SNX19: variants seen among roughly 807,000 people sequenced by gnomAD.
SNX19 encodes sorting nexin 19.
A neutral mutation model predicts 85.2 loss-of-function variants in SNX19; 60 were observed. That is an observed-to-expected ratio of 0.70 (90% CI 0.57 to 0.87). The LOEUF is 0.87. Among genes scored for constraint, SNX19 ranks in the 40% least tolerant of loss-of-function variants. The probability of loss-of-function intolerance (pLI) is 0.00; values close to 1 mark genes in which losing one functional copy is unlikely to be tolerated. For missense variants in SNX19, 1,201 were observed against 1,217.8 expected, an observed-to-expected ratio of 0.99 and a Z score of 0.21; for synonymous variants, 520 against 470.0, an observed-to-expected ratio of 1.11 and a Z score of -1.38.
chr11:130,891,284 G>C (rs1052693946), intron 8 of SNX19, among the ~76,000 whole-genome samples: 1 of 152,128 alleles, frequency 6.6e-6, no homozygotes, highest in African/African-American at 2.4e-5. Context: ...ATGTTGTAAC[G>C]GGTATGCTAG....
chr11:130,888,589 T>C (rs1312709462), intron 8 of SNX19, among the ~76,000 whole-genome samples: 2 of 152,178 alleles, frequency 1.3e-5, no homozygotes, highest in African/African-American at 4.8e-5. Flanking sequence ...GGGTTCCCCA[T>C]TGCCCTTCCC....
rs1009167013 is a variant in SNX19, at chr11:130,873,819, T to C, written c.*4603A>G. Among the ~76,000 whole-genome samples, 2 of 152,142 alleles carry C rather than the reference T, an allele frequency of 1.3e-5. No individual in the cohort carries two copies. Among genetic ancestry groups the C allele is most frequent in the Non-Finnish European group, 2.9e-5 (2 of 68,028 alleles). ...TGCTGAATGTTGGCAGAATGACCCA[T>C]CCCTAGAGCAGACATTGTCTATCAA... is the stretch of plus-strand genomic sequence containing the variant. On this transcript the variant is annotated 3_prime_UTR_variant, in exon 11 of 11. Coordinates refer to ENST00000265909, the MANE Select transcript of SNX19 (RefSeq NM_014758.3).
intron 8 of SNX19, among the ~76,000 whole-genome samples, chr11:130,882,537 A>G (rs1162067935): frequency 6.6e-6 from 1 of 152,220 alleles, no homozygotes; most frequent in Non-Finnish European, 1.5e-5. Context: ...AATGGCAGCC[A>G]TCGATGGAGA....
rs774443469 is a variant in SNX19 at position 130,915,860 on chromosome 11, C to A, written c.80G>T (p.Arg27Leu). Residue 27 changes from arginine to leucine, a missense_variant, in exon 1 of 11, where the codon CGG (arginine) becomes CTG (leucine). By Grantham distance (102) the Arg-to-Leu change is moderately radical (BLOSUM62 -2). This residue lies in a region of SNX19 where 791 missense variants were observed against 750.9 expected (regional missense o/e 1.05). Transcript: ENST00000265909. ...SCHLNNLLSS[R>L]KLMAVGVLLG... The stretch of plus-strand genomic sequence containing the variant: ...CAAGACCCCCACAGCCATCAGCTTC[C>A]GGCTACTCAACAGGTTATTGAGGTG... The A allele has an allele frequency of 5.0e-6, 8 of 1,614,226 alleles. No homozygotes were observed. The Admixed American group carries it at 5.0e-5, about 10-fold the overall frequency.
intron 8 of SNX19, among the ~76,000 whole-genome samples, chr11:130,896,240 T>G (rs7126906): frequency 0.64 from 96,603 of 151,964 alleles, 30,982 homozygotes; most frequent in South Asian, 0.8. Flanking sequence ...AGAGCTGAAC[T>G]GGAAGAAAAA....
chr11:130,910,402 C>T (rs1347278350), intron 2 of SNX19, 32 bp from the exon 3 acceptor site: 25 of 1,432,034 alleles, frequency 1.7e-5, no homozygotes, highest in Non-Finnish European at 2.2e-5. Context: ...AAAATATTCA[C>T]TCATTTAACA....
intron 8 of SNX19, among the ~76,000 whole-genome samples, chr11:130,897,392 A>G (rs1416831629): frequency 6.6e-6 from 1 of 151,722 alleles, no homozygotes; most frequent in Non-Finnish European, 1.5e-5. Context: ...ACACACAGAC[A>G]CACACACACA....
At chr11:130,889,397 C>G (rs968708279) in intron 8 of SNX19, among the ~76,000 whole-genome samples, 1 of 152,048 alleles carries the variant, frequency 6.6e-6, no homozygotes, top group African/African-American at 2.4e-5. Context: ...CCCGACCCCC[C>G]AGAAAAAGAC....
At position 130,873,390 on chromosome 11, in the gene SNX19, T is replaced by A. The variant is rs992978190; in HGVS notation, c.*5032A>T. 8.5e-5 allele frequency among the ~76,000 whole-genome samples: 13 copies of A among 152,196 alleles called. No homozygotes were observed. The highest frequency in any genetic ancestry group is 1.6e-4 in the Non-Finnish European group (11 of 68,032). ...AGAGAAAGTTTGCTGGCTCCTATACTAGACTGTAGACTCCTTAAAAGTGAG... is the reference window on the plus strand; with the variant it reads ...AGAGAAAGTTTGCTGGCTCCTATACAAGACTGTAGACTCCTTAAAAGTGAG... On this transcript the variant is annotated 3_prime_UTR_variant, in exon 11 of 11. Transcript: ENST00000265909.
rs142603765 is a variant in SNX19, at chr11:130,915,748, C to A, written c.192G>T (p.Trp64Cys). Residue 64 changes from tryptophan (W) to cysteine (C), a missense_variant, in exon 1 of 11, where the codon TGG becomes TGT. By Grantham distance (215) the Trp-to-Cys change is radical. This residue lies in a region of SNX19 where 791 missense variants were observed against 750.9 expected (regional missense o/e 1.05). Transcript: ENST00000265909. ...LSALLVVLGGWLGSSLAGVAS... is the reference protein window; with the variant it reads ...LSALLVVLGGCLGSSLAGVAS... ...CCACTCCAGCGAGGCTGGAGCCCAGCCATCCTCCCAGCACCACTAGCAATG... is the reference window on the plus strand; with the variant it reads ...CCACTCCAGCGAGGCTGGAGCCCAGACATCCTCCCAGCACCACTAGCAATG... 28 of 1,614,100 alleles carry A rather than the reference C, an allele frequency of 1.7e-5. No individual in the cohort carries two copies. The highest frequency in any genetic ancestry group is 2.2e-5 in the Non-Finnish European group (26 of 1,180,060).
At chr11:130,895,751 C>T (rs1213473888) in intron 8 of SNX19, among the ~76,000 whole-genome samples, 6 of 152,354 alleles carry the variant, frequency 3.9e-5, no homozygotes, top group Middle Eastern at 3.4e-3. Context: ...CTCAGGCACA[C>T]GGCTGTCAGC....
rs115311095 is a variant in SNX19, at chr11:130,870,896, T to C, written c.*7526A>G. 3.1e-3 allele frequency among the ~76,000 whole-genome samples: 466 copies of C among 152,278 alleles called. 4 individuals are homozygous for C. The highest frequency in any genetic ancestry group is 0.01 in the African/African-American group (434 of 41,532). Reference sequence around the variant, plus strand: ...TATGTTCGTTGCCCTTGAAGAATTATAGTCTCTTACTGAGGACTTCATATA... The same window carrying C: ...TATGTTCGTTGCCCTTGAAGAATTACAGTCTCTTACTGAGGACTTCATATA... On this transcript the variant is annotated 3_prime_UTR_variant, in exon 11 of 11. Coordinates refer to ENST00000265909, the MANE Select transcript of SNX19 (RefSeq NM_014758.3).
At chr11:130,886,260 T>C (rs1473141063) in intron 8 of SNX19, among the ~76,000 whole-genome samples, 1 of 152,206 alleles carries the variant, frequency 6.6e-6, no homozygotes, top group Non-Finnish European at 1.5e-5. Flanking sequence ...ATCTCATGTT[T>C]GGAGACACTT....
intron 2 of SNX19, chr11:130,911,325 G>A (rs963388498): frequency 1.9e-6 from 1 of 514,228 alleles, no homozygotes; most frequent in African/African-American, 2.0e-5. Flanking sequence ...ACCAATCTAT[G>A]AATCTGGAAA....
intron 1 of SNX19, among the ~76,000 whole-genome samples, chr11:130,913,226 T>C (rs1261646662): frequency 6.6e-6 from 1 of 152,094 alleles, no homozygotes; most frequent in East Asian, 1.9e-4. Context: ...AACACTTAAA[T>C]GTGAGAAAGG....
intron 8 of SNX19, among the ~76,000 whole-genome samples, chr11:130,888,099 CA>C (rs199735794): frequency 0.052 from 7,407 of 142,290 alleles, 227 homozygotes; most frequent in Non-Finnish European, 0.081. Context: ...AGGTACATTA[CA>C]AAAAAAAAAA....
rs550382674 is a variant in SNX19 at position 130,872,626 on chromosome 11, C to T, written c.*5796G>A. 2.8e-4 allele frequency among the ~76,000 whole-genome samples: 43 copies of T among 152,236 alleles called. No homozygotes were observed. Among genetic ancestry groups the T allele is most frequent in the African/African-American group, 7.9e-4 (33 of 41,552 alleles). ...AATATGCTAGCTGAAATTCACCCTT[C>T]GATGGTTTCATTTTCTTGTCTACAA... On this transcript the variant is annotated 3_prime_UTR_variant, in exon 11 of 11. Coordinates refer to ENST00000265909, the MANE Select transcript of SNX19 (RefSeq NM_014758.3).
chr11:130,903,246 C>T lies in SNX19; in HGVS notation c.2573+9G>A. Reference sequence around the variant, plus strand: ...GATTCTGATGTGAGGGAGAATTCAGCAGTCTTACCTTTGAACTAGGGTCCC... The same window carrying T: ...GATTCTGATGTGAGGGAGAATTCAGTAGTCTTACCTTTGAACTAGGGTCCC... On this transcript the variant is annotated intron_variant, in intron 8 of 10. Coordinates refer to ENST00000265909, the MANE Select transcript of SNX19 (RefSeq NM_014758.3). 7 of 1,613,316 alleles carry T rather than the reference C, an allele frequency of 4.3e-6. No homozygotes were observed. Among genetic ancestry groups the T allele is most frequent in the Non-Finnish European group, 5.1e-6 (6 of 1,179,444 alleles).
chr11:130,879,603 G>T, intron 10 of SNX19, 21 bp downstream of exon 10: 1 of 1,606,178 alleles, frequency 6.2e-7, no homozygotes, highest in South Asian at 1.1e-5. Context: ...GCTGATGTTG[G>T]AATAACATTT....
Sources: allele counts gnomAD v4.1 joint callset (sites outside exome capture counted in the v4.1 genomes callset), GRCh38; gene constraint gnomAD v4.1.1; regional missense constraint gnomAD v4.1.1; transcripts MANE v1.5; gene names NCBI Gene and HGNC (gene_info 2026-07-23, HGNC 2026-07-21).